The following DOCK1 variants were observed in gnomAD, a reference collection of about 807,000 sequenced individuals.
DOCK1 encodes dedicator of cytokinesis 1, also known as dedicator of cytokinesis protein 1.
DOCK1 carries 138 observed loss-of-function variants against 262.7 expected under a neutral mutation model. The observed-to-expected ratio is 0.53, with a 90% CI of 0.46 to 0.61. The LOEUF (loss-of-function observed/expected upper bound fraction) is 0.61. DOCK1 is among the 20% of genes least tolerant of loss of function. The pLI is 0.00. For missense variants in DOCK1, 1,908 were observed against 2,370.7 expected, an observed-to-expected ratio of 0.80 and a Z score of 4.05; for synonymous variants, 866 against 867.4, an observed-to-expected ratio of 1.00 and a Z score of 0.03.
intron 23 of DOCK1, among the ~76,000 whole-genome samples, chr10:127,084,237 G>T (rs1340115537): frequency 6.6e-6 from 1 of 152,150 alleles, no homozygotes; most frequent in Non-Finnish European, 1.5e-5. Flanking sequence ...AGTTAAATGT[G>T]TGTATGTTCT....
chr10:127,013,263 A>C (rs2135321653), intron 12 of DOCK1, among the ~76,000 whole-genome samples: 1 of 152,178 alleles, frequency 6.6e-6, no homozygotes, highest in Admixed American at 6.5e-5. Flanking sequence ...CCAGAACGTT[A>C]ATGAGATGTG....
At chr10:126,980,561 A>G (rs1565027038) in intron 3 of DOCK1, among the ~76,000 whole-genome samples, 2 of 151,954 alleles carry the variant, frequency 1.3e-5, no homozygotes. Flanking sequence ...CTCTGTGATA[A>G]TTCTTCTTTA....
Position 127,175,229 on chromosome 10 carries a change from T to C in DOCK1, c.2847+47465T>C. ...ATACATACCCTTCCCGATGGGCCTC[T>C]CCTTTTTCCAACTCCTGAATGACCC... is the stretch of plus-strand genomic sequence containing the variant. On this transcript the variant is annotated intron_variant, in intron 27 of 51. Coordinates refer to ENST00000623213, the MANE Select transcript of DOCK1 (RefSeq NM_001290223.2). The surrounding 1 kb of genome is among the most constrained non-coding windows in gnomAD (Gnocchi z 6.3). 6.2e-7 allele frequency: 1 copy of C among 1,613,662 alleles called. No individual in the cohort carries two copies. The highest frequency in any genetic ancestry group is 8.5e-7 in the Non-Finnish European group (1 of 1,179,720).
chr10:127,325,896 C>T lies in DOCK1; in HGVS notation c.3045-13110C>T, dbSNP rs181764139. On this transcript the variant is annotated intron_variant, in intron 29 of 51. Transcript: ENST00000623213. The stretch of plus-strand genomic sequence containing the variant: ...TTGTGGGTTCCCTACCAGACCACCA[C>T]GAAAAAGTGAAGTTTGCAATAAAGC... 5.9e-5 allele frequency among the ~76,000 whole-genome samples: 9 copies of T among 152,140 alleles called. No homozygotes were observed. The East Asian group carries it at 1.5e-3, about 26-fold the overall frequency.
At chr10:127,159,899 G>C (rs1372882595) in intron 27 of DOCK1, among the ~76,000 whole-genome samples, 2 of 152,174 alleles carry the variant, frequency 1.3e-5, no homozygotes, top group Non-Finnish European at 2.9e-5. Flanking sequence ...GGGAGGGCTG[G>C]ACGGCATCTG....
chr10:127,111,780 C>T (rs758150557), intron 25 of DOCK1, among the ~76,000 whole-genome samples: 2 of 152,140 alleles, frequency 1.3e-5, no homozygotes, highest in Admixed American at 6.5e-5. Context: ...CCAGCACTAC[C>T]GTCATCAGTA....
chr10:126,926,448 A>G (rs1287881159), intron 1 of DOCK1, among the ~76,000 whole-genome samples: 1 of 152,154 alleles, frequency 6.6e-6, no homozygotes, highest in East Asian at 1.9e-4. Flanking sequence ...TTTACATGTC[A>G]ACTTAAGGGA....
At chr10:127,048,864 A>G (rs1413238478) in intron 21 of DOCK1, among the ~76,000 whole-genome samples, 1 of 152,220 alleles carries the variant, frequency 6.6e-6, no homozygotes, top group Non-Finnish European at 1.5e-5. Flanking sequence ...AAGTTCCTTG[A>G]TCTGATAAAG....
intron 11 of DOCK1, among the ~76,000 whole-genome samples, chr10:127,010,119 A>C (rs2041317566): frequency 1.3e-5 from 2 of 152,190 alleles, no homozygotes; most frequent in Admixed American, 6.5e-5. Flanking sequence ...TAAATGCTTT[A>C]GGTTTACTCT....
intron 27 of DOCK1, among the ~76,000 whole-genome samples, chr10:127,202,746 C>T (rs2057530141): frequency 6.6e-6 from 1 of 152,202 alleles, no homozygotes; most frequent in Non-Finnish European, 1.5e-5. Context: ...TGGTTCTTAC[C>T]AGATAACTGG....
At chr10:127,215,075 G>C (rs2058146345) in intron 27 of DOCK1, among the ~76,000 whole-genome samples, 1 of 151,944 alleles carries the variant, frequency 6.6e-6, no homozygotes, top group Non-Finnish European at 1.5e-5. Context: ...CCTCCCTTTG[G>C]TTCTCGTTTT....
At chr10:127,369,145 G>A (rs2133999223) in intron 33 of DOCK1, among the ~76,000 whole-genome samples, 1 of 152,328 alleles carries the variant, frequency 6.6e-6, no homozygotes, top group East Asian at 1.9e-4. Flanking sequence ...CCGGAAGCCA[G>A]TAATTGAATA....
chr10:127,369,309 A>T (rs956350782), intron 33 of DOCK1, among the ~76,000 whole-genome samples: 2 of 152,174 alleles, frequency 1.3e-5, no homozygotes, highest in Non-Finnish European at 2.9e-5. Flanking sequence ...TTTGCTTTCA[A>T]TGTCAAAATA....
intron 22 of DOCK1, among the ~76,000 whole-genome samples, chr10:127,061,291 T>A (rs1022056762): frequency 6.6e-6 from 1 of 152,048 alleles, no homozygotes; most frequent in Non-Finnish European, 1.5e-5. Context: ...ATCTTAATAG[T>A]GTAATTTTTG....
chr10:127,228,868 A>C (rs190341529), intron 27 of DOCK1, among the ~76,000 whole-genome samples: 50 of 152,348 alleles, frequency 3.3e-4, no homozygotes, highest in African/African-American at 1.2e-3. Context: ...ATTGTGGAAC[A>C]GCTAAATTGA....
At chr10:127,177,784 G>T (rs2055315735) in intron 27 of DOCK1, among the ~76,000 whole-genome samples, 1 of 152,270 alleles carries the variant, frequency 6.6e-6, no homozygotes, top group African/African-American at 2.4e-5. Context: ...GAGTGAGGTG[G>T]TTCGAGTGCC....
intron 27 of DOCK1, among the ~76,000 whole-genome samples, chr10:127,171,887 T>C (rs1317639969): frequency 6.6e-6 from 1 of 152,060 alleles, no homozygotes; most frequent in African/African-American, 2.4e-5. Flanking sequence ...TATTTTTTAG[T>C]AGAGACGGGA....
At position 127,154,013 on chromosome 10, in the gene DOCK1, A is replaced by G. The variant is rs1374642615; in HGVS notation, c.2847+26249A>G. On this transcript the variant is annotated intron_variant, in intron 27 of 51. Coordinates refer to ENST00000623213, the MANE Select transcript of DOCK1 (RefSeq NM_001290223.2). ...ATGCCTCAAATCAAATGCCTTCCCA[A>G]TGCCAAGCTCATCATGGTCATGGAA... 8.2e-6 allele frequency: 7 copies of G among 850,354 alleles called. No homozygotes were observed. The African/African-American group carries it at 8.4e-5, about 10-fold the overall frequency. The allele number at this position is 850,354 out of a possible 1,614,324, so 52.7% of individuals were successfully genotyped here.
intron 27 of DOCK1, among the ~76,000 whole-genome samples, chr10:127,246,665 G>A (rs1326694904): frequency 6.6e-6 from 1 of 152,150 alleles, no homozygotes; most frequent in African/African-American, 2.4e-5. Context: ...TATTGTGTTT[G>A]TTCAATTTGA....
Sources: allele counts gnomAD v4.1 joint callset (sites outside exome capture counted in the v4.1 genomes callset), GRCh38; gene constraint gnomAD v4.1.1; non-coding constraint Gnocchi (gnomAD v3.1); transcripts MANE v1.5; gene names NCBI Gene and HGNC (gene_info 2026-07-23, HGNC 2026-07-21).